Variants in RIMS2 observed in about 807,000 individuals in gnomAD.
RIMS2 encodes the protein regulating synaptic membrane exocytosis 2, also known as regulating synaptic membrane exocytosis protein 2.
A neutral mutation model predicts 174.4 loss-of-function variants in RIMS2; 59 were observed. The ratio of observed to expected loss-of-function variants is 0.34; its 90% CI spans 0.27 to 0.42. The LOEUF (loss-of-function observed/expected upper bound fraction) is 0.42, where lower values mean the gene tolerates loss of function less well. Ranked by LOEUF, RIMS2 falls within the 10% of genes least tolerant of loss-of-function variation. The probability of loss-of-function intolerance (pLI) is 1.00; values close to 1 mark genes in which losing one functional copy is unlikely to be tolerated. For missense variants in RIMS2, 1,620 were observed against 1,666.3 expected (o/e 0.97, Z 0.48); for synonymous variants, 606 against 572.5 (o/e 1.06, Z -0.84).
intron 2 of RIMS2, among the ~76,000 whole-genome samples, chr8:103,743,376 T>C (rs1425684073): frequency 6.6e-6 from 1 of 152,200 alleles, no homozygotes; most frequent in African/African-American, 2.4e-5. Context: ...GATAAATTTG[T>C]TTATCTGCAG....
At chr8:103,816,518 A>G (rs1221816329) in intron 3 of RIMS2, among the ~76,000 whole-genome samples, 1 of 152,248 alleles carries the variant, frequency 6.6e-6, no homozygotes, top group Admixed American at 6.5e-5. Flanking sequence ...ATGGTCACAT[A>G]TATCAAATGT....
At chr8:104,099,839 C>G (rs773138291) in intron 19 of RIMS2, among the ~76,000 whole-genome samples, 1 of 148,676 alleles carries the variant, frequency 6.7e-6, no homozygotes, top group Non-Finnish European at 1.5e-5. Context: ...TTTTTTGAGA[C>G]AGCATCTCAC....
At chr8:103,728,584 T>C (rs969032957) in intron 2 of RIMS2, among the ~76,000 whole-genome samples, 4 of 152,010 alleles carry the variant, frequency 2.6e-5, no homozygotes, top group African/African-American at 9.7e-5. Context: ...ATGGCTTTTA[T>C]TTTGTTGAGG....
intron 2 of RIMS2, among the ~76,000 whole-genome samples, chr8:103,737,051 C>T (rs1296925454): frequency 6.6e-6 from 1 of 151,826 alleles, no homozygotes; most frequent in South Asian, 2.1e-4. Context: ...GACTTGTTTC[C>T]TTAGATATGT....
At chr8:104,171,308 A>ATT (rs34025946) in intron 19 of RIMS2, among the ~76,000 whole-genome samples, 47 of 150,406 alleles carry the variant, frequency 3.1e-4, no homozygotes, top group African/African-American at 4.6e-4. Context: ...ACATAATCCC[A>ATT]TTTTTTTTTG....
At chr8:103,618,358 A>G (rs1589140138) in intron 1 of RIMS2, among the ~76,000 whole-genome samples, 1 of 152,150 alleles carries the variant, frequency 6.6e-6, no homozygotes, top group South Asian at 2.1e-4. Context: ...AGCAGAAAAG[A>G]TAGCTATTAC....
intron 1 of RIMS2, among the ~76,000 whole-genome samples, chr8:103,632,049 G>A (rs1276435634): frequency 6.6e-6 from 1 of 152,142 alleles, no homozygotes; most frequent in Non-Finnish European, 1.5e-5. Context: ...TTTTCTAGGT[G>A]TGGAATAATA....
chr8:104,041,052 G>A (rs949962955), intron 19 of RIMS2, among the ~76,000 whole-genome samples: 29 of 151,732 alleles, frequency 1.9e-4, no homozygotes, highest in African/African-American at 6.0e-4. Context: ...TTTGCTGTAC[G>A]TAAATAATTG....
intron 19 of RIMS2, among the ~76,000 whole-genome samples, chr8:104,105,539 C>T (rs952612161): frequency 1.1e-4 from 16 of 152,104 alleles, no homozygotes; most frequent in African/African-American, 3.9e-4. Context: ...TATCTCTCTT[C>T]ATTGATATGA....
chr8:103,991,524 AT>A (rs2094696324), intron 17 of RIMS2, among the ~76,000 whole-genome samples: 1 of 152,014 alleles, frequency 6.6e-6, no homozygotes, highest in African/African-American at 2.4e-5. Flanking sequence ...CTGCATTATG[AT>A]TTTTAGAAGA....
chr8:103,528,680 T>A (rs1835340549), intron 1 of RIMS2, among the ~76,000 whole-genome samples: 1 of 152,194 alleles, frequency 6.6e-6, no homozygotes, highest in South Asian at 2.1e-4. Flanking sequence ...TTTGTCAGGT[T>A]TGTCAAAGAT....
In RIMS2 at chr8:103,899,085, T is replaced by A. The variant is rs573352672; in HGVS notation, c.1625-11049T>A. Among the ~76,000 whole-genome samples, 366 of 151,864 alleles carry A rather than the reference T, an allele frequency of 2.4e-3. 10 individuals carry two copies. Among genetic ancestry groups the A allele is most frequent in the African/African-American group, 8.6e-3 (352 of 41,126 alleles). ...TTTATGGCTGCATAGTATTCCATGG[T>A]GTATATGTGCCACATTTTCTTAAAC... is the stretch of plus-strand genomic sequence containing the variant. On this transcript the variant is annotated intron_variant, in intron 4 of 23. Coordinates refer to ENST00000504942, the Ensembl canonical transcript of RIMS2.
chr8:103,902,732 T>C (rs2073437896), intron 4 of RIMS2, among the ~76,000 whole-genome samples: 1 of 152,206 alleles, frequency 6.6e-6, no homozygotes, highest in Admixed American at 6.6e-5. Flanking sequence ...ACTTGTCCTC[T>C]GAGAAATCTT....
chr8:104,098,495 T>G (rs976279898), intron 19 of RIMS2, among the ~76,000 whole-genome samples: 8 of 152,184 alleles, frequency 5.3e-5, no homozygotes, highest in African/African-American at 1.4e-4. Context: ...GCAACAATGT[T>G]GGTAATTTTG....
At chr8:103,962,711 C>A (rs528123451) in intron 15 of RIMS2, among the ~76,000 whole-genome samples, 1 of 152,110 alleles carries the variant, frequency 6.6e-6, no homozygotes, top group South Asian at 2.1e-4. Flanking sequence ...GCATCCTCAA[C>A]TTCCCCAGGC....
intron 3 of RIMS2, among the ~76,000 whole-genome samples, chr8:103,780,527 A>G (rs1029433867): frequency 1.3e-5 from 2 of 151,724 alleles, no homozygotes; most frequent in African/African-American, 2.4e-5. Flanking sequence ...TGTTGTTGAG[A>G]GCCTCTAATG....
In RIMS2 at chr8:104,231,167, A is replaced by G. The variant is rs1453772834; in HGVS notation, c.3335-13749A>G. Among the ~76,000 whole-genome samples the G allele has an allele frequency of 2.6e-5, 4 of 152,176 alleles. No individual in the cohort carries two copies. The East Asian group carries it at 7.7e-4, about 29-fold the overall frequency. ...GTGAGCTCACCTTTGAAGTGATCTG[A>G]TAACCCCCCAACCTGCTCTCTCTCT... On this transcript the variant is annotated intron_variant, in intron 19 of 23. Coordinates refer to ENST00000504942, the Ensembl canonical transcript of RIMS2.
chr8:103,730,743 C>G (rs1486187777), intron 2 of RIMS2, among the ~76,000 whole-genome samples: 1 of 152,116 alleles, frequency 6.6e-6, no homozygotes, highest in African/African-American at 2.4e-5. Flanking sequence ...GTGAAGAACT[C>G]TAGTATTTTC....
chr8:103,549,330 A>C (rs919370186), intron 1 of RIMS2, among the ~76,000 whole-genome samples: 1 of 152,216 alleles, frequency 6.6e-6, no homozygotes, highest in South Asian at 2.1e-4. Context: ...AATCTTAAAG[A>C]AAAGAATTTT....
Sources: allele counts gnomAD v4.1 joint callset (sites outside exome capture counted in the v4.1 genomes callset), GRCh38; gene constraint gnomAD v4.1.1; transcripts MANE v1.5; gene names NCBI Gene and HGNC (gene_info 2026-07-23, HGNC 2026-07-21).